AKAP13: variants seen among roughly 807,000 people sequenced by gnomAD.
AKAP13 encodes A-kinase anchor protein 13.
A neutral mutation model predicts 264.5 loss-of-function variants in AKAP13; 80 were observed. The ratio of observed to expected loss-of-function variants is 0.30; its 90% CI spans 0.25 to 0.36. The LOEUF is 0.36. AKAP13 is among the 10% of genes least tolerant of loss of function. AKAP13 has a pLI of 1.00. For synonymous variants in AKAP13, 1,380 were observed against 1,250.2 expected (o/e 1.10, Z -2.19); for missense variants, 3,712 against 3,435.2 (o/e 1.08, Z -2.01).
At chr15:85,720,641 C>T (rs2087224514) in intron 23 of AKAP13, among the ~76,000 whole-genome samples, 1 of 152,164 alleles carries the variant, frequency 6.6e-6, no homozygotes, top group African/African-American at 2.4e-5. Context: ...CCCAAAGATG[C>T]AAATTCCCCA....
Position 85,669,807 on chromosome 15 carries a change from C to T in AKAP13, c.5078C>T (p.Thr1693Ile). The T allele has an allele frequency of 6.2e-7, 1 of 1,610,914 alleles. No homozygotes were observed. The highest frequency in any genetic ancestry group is 8.5e-7 in the Non-Finnish European group (1 of 1,177,230). The change falls in exon 14 of 37, where the codon ACA (threonine) becomes ATA (isoleucine). Residue 1693 changes from threonine (T) to isoleucine (I), a missense_variant. Around this residue, in one of 3 missense-constraint regions of AKAP13, gnomAD observed 2,759 missense variants for 2,411.7 expected, o/e 1.14. Coordinates refer to ENST00000394518, the MANE Select transcript of AKAP13 (RefSeq NM_007200.5). ...SPLTKSISLM[T>I]ISHPGLDNSR... Reference sequence around the variant, plus strand: ...TTGACAAAATCCATCTCATTAATGACAATCAGCCATCCTGGATTGGACAGT... The same window carrying T: ...TTGACAAAATCCATCTCATTAATGATAATCAGCCATCCTGGATTGGACAGT...
At chr15:85,391,107 C>G (rs1054508536) in intron 1 of AKAP13, among the ~76,000 whole-genome samples, 17 of 152,108 alleles carry the variant, frequency 1.1e-4, no homozygotes, top group Non-Finnish European at 2.2e-4. Context: ...ATAATCATGA[C>G]AGTCATAAAA....
chr15:85,588,517 C>T (rs2079451818), intron 8 of AKAP13, among the ~76,000 whole-genome samples: 1 of 152,160 alleles, frequency 6.6e-6, no homozygotes. Flanking sequence ...GTCATTGAAT[C>T]CAGGCTGGTA....
At chr15:85,553,833 A>G (rs2078048383) in intron 5 of AKAP13, among the ~76,000 whole-genome samples, 1 of 152,278 alleles carries the variant, frequency 6.6e-6, no homozygotes, top group African/African-American at 2.4e-5. Context: ...AGATTCTCAT[A>G]GGAGTGGAAA....
At chr15:85,660,507 AT>A (rs2083295890) in intron 12 of AKAP13, among the ~76,000 whole-genome samples, 1 of 152,102 alleles carries the variant, frequency 6.6e-6, no homozygotes, top group Admixed American at 6.5e-5. Context: ...GAAGGAGATT[AT>A]TTTTAAGAAT....
At chr15:85,583,881 C>T (rs937363936) in intron 7 of AKAP13, among the ~76,000 whole-genome samples, 2 of 152,114 alleles carry the variant, frequency 1.3e-5, no homozygotes, top group African/African-American at 4.8e-5. Flanking sequence ...TATATATGGG[C>T]TTGAGGTTGG....
At chr15:85,702,816 T>C (rs2086010853) in intron 17 of AKAP13, 1 of 152,242 alleles carries the variant, frequency 6.6e-6, no homozygotes, top group African/African-American at 2.4e-5. Context: ...TCAACTCTTA[T>C]TTCTCTATTA....
At chr15:85,523,737 G>A (rs923848642) in intron 3 of AKAP13, among the ~76,000 whole-genome samples, 9 of 152,144 alleles carry the variant, frequency 5.9e-5, no homozygotes, top group African/African-American at 1.9e-4. Context: ...CTTCCCAGAA[G>A]CTGCTCTTCT....
chr15:85,727,063 C>T lies in AKAP13; in HGVS notation c.6823-3C>T. The stretch of plus-strand genomic sequence containing the variant: ...TTTTATTTGCCCTCTTCCCTTTTTC[C>T]AGGACCAGAAGTCAACAGTGATCTC... On this transcript the variant is annotated splice_region_variant and splice_polypyrimidine_tract_variant and intron_variant, in intron 27 of 36. Transcript: ENST00000394518. This position sits in a 1 kb window ranked among gnomAD's most constrained non-coding sequence, Gnocchi z 5.3. The T allele has an allele frequency of 6.2e-7, 1 of 1,613,430 alleles. No individual in the cohort carries two copies.
In AKAP13 at chr15:85,735,992, T is replaced by A. The variant is rs556205553; in HGVS notation, c.7513-98T>A. On this transcript the variant is annotated intron_variant, in intron 32 of 36. Coordinates refer to ENST00000394518, the MANE Select transcript of AKAP13 (RefSeq NM_007200.5). ...TCACTACCTTAGTGAGAGGCTGTGG[T>A]AGAAAATGGAAAGCTACAGCCTAAC... 7 of 971,438 alleles carry A rather than the reference T, an allele frequency of 7.2e-6. No homozygotes were observed. In the Admixed American group the frequency reaches 1.1e-4, roughly 16 times the overall value. The allele number at this position is 971,438 out of a possible 1,614,324, so 60.2% of individuals were successfully genotyped here.
At chr15:85,383,997 T>TA (rs1431818597) in intron 1 of AKAP13, among the ~76,000 whole-genome samples, 7 of 152,348 alleles carry the variant, frequency 4.6e-5, no homozygotes, top group African/African-American at 1.7e-4. Flanking sequence ...TTAAATCAGT[T>TA]ATACTAGCAT....
In AKAP13 at chr15:85,741,354, G is replaced by C. The variant is rs535461041; in HGVS notation, c.7917G>C (p.Glu2639Asp). Reference sequence around the variant, plus strand: ...AGGACCTGGAAAAGGAGCGGGAGGAGCTCCAGCAGAAGAAGGGCACATACC... The same window carrying C: ...AGGACCTGGAAAAGGAGCGGGAGGACCTCCAGCAGAAGAAGGGCACATACC... The part of the protein sequence containing the change: ...GQQDLEKERE[E>D]LQQKKGTYQY... The change falls in exon 35 of 37, where the codon GAG becomes GAC. Residue 2639 changes from glutamate (E) to aspartate (D), a missense_variant. Glu to Asp is a conservative substitution (Grantham distance 45). Coordinates refer to ENST00000394518, the MANE Select transcript of AKAP13 (RefSeq NM_007200.5). The C allele has an allele frequency of 1.2e-6, 2 of 1,613,968 alleles. No homozygotes were observed. Among genetic ancestry groups the C allele is most frequent in the Non-Finnish European group, 1.7e-6 (2 of 1,179,998 alleles).
intron 18 of AKAP13, among the ~76,000 whole-genome samples, chr15:85,709,937 C>G (rs879396294): frequency 2.0e-5 from 3 of 151,664 alleles, no homozygotes; most frequent in Non-Finnish European, 4.4e-5. Context: ...ATCCACCCAC[C>G]TCAGCCTCCC....
chr15:85,630,204 CACACATCAT>C (rs757261079), intron 8 of AKAP13, among the ~76,000 whole-genome samples: 13,880 of 66,568 alleles, frequency 0.21, 1,199 homozygotes, highest in Non-Finnish European at 0.25. Flanking sequence ...CACACACACA[CACACATCAT>C]GAACTAAGAT....
chr15:85,536,471 G>C (rs1251824401), intron 4 of AKAP13: 1 of 152,272 alleles, frequency 6.6e-6, no homozygotes, highest in Non-Finnish European at 1.5e-5. Flanking sequence ...ACTTTTGGGT[G>C]TTTATCCTAG....
At chr15:85,715,975 A>G in intron 20 of AKAP13, 52 bp downstream of exon 20, 1 of 1,568,512 alleles carries the variant, frequency 6.4e-7, no homozygotes, top group Non-Finnish European at 8.6e-7. Context: ...TGACCAGAGC[A>G]TAATAATCAC....
At position 85,588,589 on chromosome 15, in the gene AKAP13, A is replaced by G. The variant is rs75002481; in HGVS notation, c.4161+2766A>G. ...TCTCTATTCTAATGGTATCTTGTCT[A>G]CTATAAAGAAGAAAACAAAACATGA... On this transcript the variant is annotated intron_variant, in intron 8 of 36. Transcript: ENST00000394518. Among the ~76,000 whole-genome samples, 304 of 152,324 alleles carry G rather than the reference A, an allele frequency of 2.0e-3. 7 individuals carry two copies. The East Asian group carries it at 0.046, about 23-fold the overall frequency.
chr15:85,519,385 T>A lies in AKAP13; in HGVS notation c.34-2043T>A, dbSNP rs561573771. On this transcript the variant is annotated intron_variant, in intron 2 of 36. Transcript: ENST00000394518. ...GGGATGGTGGGAGGCTGGAATTGACTTGTGGGTCATAGTTTGTCAACCTAG... is the reference window on the plus strand; with the variant it reads ...GGGATGGTGGGAGGCTGGAATTGACATGTGGGTCATAGTTTGTCAACCTAG... Among the ~76,000 whole-genome samples, 4 of 152,172 alleles carry A rather than the reference T, an allele frequency of 2.6e-5. No homozygotes were observed. In the South Asian group the frequency reaches 8.3e-4, roughly 32 times the overall value.
intron 1 of AKAP13, among the ~76,000 whole-genome samples, chr15:85,420,237 G>A (rs1349240997): frequency 6.6e-6 from 1 of 151,732 alleles, no homozygotes; most frequent in Non-Finnish European, 1.5e-5. Flanking sequence ...CACCGCGCCC[G>A]GCCTTTTTTT....
Sources: gnomAD v4.1 joint callset for allele counts (sites outside exome capture counted in the v4.1 genomes callset) on GRCh38, gnomAD v4.1.1 for gene constraint, gnomAD v4.1.1 regional missense constraint, Gnocchi (gnomAD v3.1) non-coding constraint, MANE v1.5 for transcripts, NCBI Gene and HGNC (gene_info 2026-07-23, HGNC 2026-07-21) for gene names.